The following SLC25A12 variants were observed in gnomAD, a reference collection of about 807,000 sequenced individuals.
The protein encoded by SLC25A12 is solute carrier family 25 member 12.
In SLC25A12, 32 loss-of-function variants were observed where a neutral mutation model predicts 83.3. The observed-to-expected ratio is 0.38, with a 90% CI of 0.29 to 0.52. SLC25A12 has a LOEUF of 0.52. SLC25A12 is among the 20% of genes least tolerant of loss of function. The pLI, the probability that SLC25A12 is intolerant of heterozygous loss-of-function variation, is 0.84. For synonymous variants in SLC25A12, 267 were observed against 291.1 expected (o/e 0.92, Z 0.84); for missense variants, 611 against 835.6 (o/e 0.73, Z 3.31).
At chr2:171,808,486 C>T (rs1683881875) in intron 13 of SLC25A12, among the ~76,000 whole-genome samples, 1 of 152,222 alleles carries the variant, frequency 6.6e-6, no homozygotes, top group African/African-American at 2.4e-5. Context: ...CAATGGCTTA[C>T]TCAGTCCTAT....
chr2:171,853,533 T>A (rs1684979339), intron 4 of SLC25A12, among the ~76,000 whole-genome samples: 1 of 151,950 alleles, frequency 6.6e-6, no homozygotes, highest in African/African-American at 2.4e-5. Flanking sequence ...ATACAAAAAT[T>A]AGCGAGGCGT....
chr2:171,811,483 T>C (rs1043327818), intron 11 of SLC25A12, among the ~76,000 whole-genome samples: 7 of 152,338 alleles, frequency 4.6e-5, no homozygotes, highest in African/African-American at 1.4e-4. Context: ...TCATGGAATT[T>C]AATAAAGTAC....
intron 3 of SLC25A12, among the ~76,000 whole-genome samples, chr2:171,863,195 G>A (rs1014712591): frequency 2.9e-4 from 44 of 152,222 alleles, no homozygotes; most frequent in Admixed American, 9.2e-4. Context: ...GAGCCACTGT[G>A]CCCAGTAGAG....
intron 4 of SLC25A12, among the ~76,000 whole-genome samples, chr2:171,850,476 G>C (rs893222732): frequency 6.6e-6 from 1 of 150,378 alleles, no homozygotes; most frequent in African/African-American, 2.5e-5. Context: ...CTCCCAAGTA[G>C]CTGGGATTAC....
intron 2 of SLC25A12, among the ~76,000 whole-genome samples, 189 bp from the exon 3 acceptor site, chr2:171,869,012 C>T (rs1573996888): frequency 1.3e-5 from 2 of 152,214 alleles, no homozygotes; most frequent in East Asian, 3.9e-4. Flanking sequence ...TTTTATAGTA[C>T]TAATACATGC....
chr2:171,891,166 T>G (rs538355430), intron 2 of SLC25A12, among the ~76,000 whole-genome samples: 11 of 151,946 alleles, frequency 7.2e-5, no homozygotes, highest in Admixed American at 2.0e-4. Context: ...ATTAGCCGGG[T>G]GTGGTGGCAC....
chr2:171,816,682 T>C (rs919755326), intron 9 of SLC25A12, among the ~76,000 whole-genome samples: 1 of 152,180 alleles, frequency 6.6e-6, no homozygotes, highest in African/African-American at 2.4e-5. Context: ...CTATATTGAA[T>C]ATGCTTCAGT....
At chr2:171,810,178 T>C in intron 12 of SLC25A12, 46 bp downstream of exon 12, 5 of 1,543,422 alleles carry the variant, frequency 3.2e-6, no homozygotes, top group Non-Finnish European at 4.5e-6. Context: ...TTTGGCTTAA[T>C]GGTAATCTAA....
chr2:171,806,358 G>A (rs1683829782), intron 13 of SLC25A12, among the ~76,000 whole-genome samples: 1 of 152,184 alleles, frequency 6.6e-6, no homozygotes, highest in South Asian at 2.1e-4. Flanking sequence ...GGGAGGCTGA[G>A]GCAGGAGAAT....
At chr2:171,832,047 T>C (rs1483067008) in intron 8 of SLC25A12, among the ~76,000 whole-genome samples, 3 of 152,210 alleles carry the variant, frequency 2.0e-5, no homozygotes, top group Non-Finnish European at 2.9e-5. Context: ...CACATGATCA[T>C]GTAAGCTATG....
chr2:171,789,781 C>T (rs1574672475), intron 15 of SLC25A12, among the ~76,000 whole-genome samples: 2 of 152,176 alleles, frequency 1.3e-5, no homozygotes, highest in East Asian at 3.9e-4. Context: ...GTAGTCCCAA[C>T]TACTTGGGAG....
chr2:171,850,181 T>C (rs1212661125), intron 4 of SLC25A12, among the ~76,000 whole-genome samples: 2 of 151,568 alleles, frequency 1.3e-5, no homozygotes, highest in East Asian at 2.0e-4. Flanking sequence ...AGTGGCATGA[T>C]CTTGGCTCAC....
At chr2:171,871,670 A>C in intron 2 of SLC25A12, 4 of 950,894 alleles carry the variant, frequency 4.2e-6, no homozygotes, top group African/African-American at 1.8e-5. Context: ...GTCCCAAGTT[A>C]GTTCCTCTCT....
At chr2:171,800,523 CT>C (rs1436812085) in intron 13 of SLC25A12, among the ~76,000 whole-genome samples, 5 of 152,302 alleles carry the variant, frequency 3.3e-5, no homozygotes, top group African/African-American at 9.6e-5. Flanking sequence ...TACTTGTACA[CT>C]GCTTAGGAGA....
At chr2:171,879,016 T>C (rs963079976) in intron 2 of SLC25A12, among the ~76,000 whole-genome samples, 1 of 152,232 alleles carries the variant, frequency 6.6e-6, no homozygotes, top group Non-Finnish European at 1.5e-5. Context: ...TGCCTTATTA[T>C]GTTAGTTCAA....
intron 2 of SLC25A12, among the ~76,000 whole-genome samples, chr2:171,886,109 G>A (rs927888373): frequency 1.3e-5 from 2 of 151,712 alleles, no homozygotes; most frequent in Admixed American, 6.6e-5. Flanking sequence ...TCACTTAATA[G>A]TACATTGCAA....
intron 13 of SLC25A12, among the ~76,000 whole-genome samples, chr2:171,797,999 T>C (rs1462820262): frequency 6.6e-6 from 1 of 152,202 alleles, no homozygotes; most frequent in African/African-American, 2.4e-5. Flanking sequence ...TTAAAAGAGA[T>C]ACAAACATTA....
At chr2:171,790,154 C>T (rs1437262648) in intron 15 of SLC25A12, among the ~76,000 whole-genome samples, 1 of 152,196 alleles carries the variant, frequency 6.6e-6, no homozygotes, top group Non-Finnish European at 1.5e-5. Context: ...GGCCCAAGGG[C>T]TCCTACCACA....
intron 3 of SLC25A12, among the ~76,000 whole-genome samples, chr2:171,866,760 G>A (rs1276357506): frequency 2.8e-5 from 4 of 144,724 alleles, no homozygotes; most frequent in Non-Finnish European, 4.6e-5. Context: ...GGCCGGGTGG[G>A]GGGCTGACCC....
Sources: allele counts gnomAD v4.1 joint callset (sites outside exome capture counted in the v4.1 genomes callset), GRCh38; gene constraint gnomAD v4.1.1; transcripts MANE v1.5; gene names NCBI Gene and HGNC (gene_info 2026-07-23, HGNC 2026-07-21).